KLHDC4: variants seen among roughly 807,000 people sequenced by gnomAD.
KLHDC4 encodes kelch domain containing 4.
In KLHDC4, 90 loss-of-function variants were observed where a neutral mutation model predicts 62.4. That is an observed-to-expected ratio of 1.44 (90% confidence interval 1.22 to 1.72). The LOEUF is 1.72. KLHDC4 is among the 40% of genes most tolerant of loss of function. KLHDC4 has a pLI of 0.00. For synonymous variants in KLHDC4, 386 were observed against 284.4 expected, an observed-to-expected ratio of 1.36 and a Z score of -3.59; for missense variants, 1,025 against 699.7, an observed-to-expected ratio of 1.47 and a Z score of -5.25.
intron 5 of KLHDC4, among the ~76,000 whole-genome samples, chr16:87,739,074 T>C (rs372073671): frequency 0.061 from 1,671 of 27,524 alleles, no homozygotes; most frequent in Non-Finnish European, 0.077. Flanking sequence ...ACCTCATCCA[T>C]CCACACACCA....
At chr16:87,749,560 AAAAAAAAAAAAG>A (rs993419494) in intron 4 of KLHDC4, among the ~76,000 whole-genome samples, 2 of 151,724 alleles carry the variant, frequency 1.3e-5, no homozygotes, top group East Asian at 1.9e-4. Flanking sequence ...TGTCAAAAAA[AAAAAAAAAAAAG>A]AAAGAAAGTG....
chr16:87,735,983 ACT>A (rs1396106848), intron 5 of KLHDC4, among the ~76,000 whole-genome samples: 2 of 152,328 alleles, frequency 1.3e-5, no homozygotes, highest in East Asian at 3.9e-4. Context: ...TGAGTTAAGC[ACT>A]CTGCATGCAA....
At chr16:87,720,194 G>A (rs1442358850) in intron 7 of KLHDC4, among the ~76,000 whole-genome samples, 2 of 152,218 alleles carry the variant, frequency 1.3e-5, no homozygotes. Context: ...GGCCGGCGGT[G>A]CAGTGGTAGG....
chr16:87,760,834 A>G (rs2045774185), intron 2 of KLHDC4, among the ~76,000 whole-genome samples: 1 of 152,022 alleles, frequency 6.6e-6, no homozygotes, highest in Non-Finnish European at 1.5e-5. Flanking sequence ...GGAGTTCACG[A>G]CCAGCCAGGC....
intron 6 of KLHDC4, among the ~76,000 whole-genome samples, chr16:87,729,047 G>C (rs2039874349): frequency 6.6e-6 from 1 of 152,080 alleles, no homozygotes. Context: ...AAAGTGCTGA[G>C]ATTACACATG....
rs772927197 is a variant in KLHDC4, at chr16:87,709,593, A to G, written c.1119T>C (p.Cys373=). Residue 373 remains cysteine, a synonymous_variant, in exon 10 of 12, where the codon TGT becomes TGC. Coordinates refer to ENST00000270583, the MANE Select transcript of KLHDC4 (RefSeq NM_017566.4). The part of the protein sequence containing the change: ...EEPEGGSRPA[C]GGAGTQGPVQ... ...CAGGCCCCTGGGTGCCAGCTCCCCC[A>G]CACGCCGGCCTGCTACCACCTTCGG... The G allele has an allele frequency of 1.9e-6, 3 of 1,612,394 alleles. No individual in the cohort carries two copies. The South Asian group carries it at 3.3e-5, about 18-fold the overall frequency.
chr16:87,715,908 C>A (rs1028421807), intron 7 of KLHDC4, among the ~76,000 whole-genome samples: 1 of 152,152 alleles, frequency 6.6e-6, no homozygotes, highest in African/African-American at 2.4e-5. Flanking sequence ...GATACTGACA[C>A]AGACTTCAGG....
chr16:87,712,547 C>G (rs978162824), intron 8 of KLHDC4, among the ~76,000 whole-genome samples: 4 of 152,230 alleles, frequency 2.6e-5, no homozygotes, highest in African/African-American at 9.6e-5. Flanking sequence ...AGGCTCAGGG[C>G]CGCCCTGCGG....
intron 7 of KLHDC4, among the ~76,000 whole-genome samples, chr16:87,725,607 A>G (rs2039224968): frequency 6.6e-6 from 1 of 152,184 alleles, no homozygotes; most frequent in Non-Finnish European, 1.5e-5. Flanking sequence ...ACTACTTCAT[A>G]CCTCTCAGAT....
rs564161464 is a variant in KLHDC4 at position 87,714,448 on chromosome 16, C to T, written c.835+50G>A. On this transcript the variant is annotated intron_variant, in intron 8 of 11. Transcript: ENST00000270583. ...ATGGGAGGGTGTGGGCTCTGCCTCC[C>T]GCCACACACAGACCAGCCAGCTCCC... 232 of 1,609,104 alleles carry T rather than the reference C, an allele frequency of 1.4e-4. 2 individuals are homozygous for T. In the South Asian group the frequency reaches 2.3e-3, roughly 16 times the overall value.
intron 10 of KLHDC4, among the ~76,000 whole-genome samples, chr16:87,708,854 C>A (rs777571904): frequency 6.6e-6 from 1 of 152,244 alleles, no homozygotes; most frequent in Non-Finnish European, 1.5e-5. Flanking sequence ...CATGGTGACT[C>A]GATCCCAGCA....
intron 6 of KLHDC4, among the ~76,000 whole-genome samples, chr16:87,730,059 T>C (rs1232223707): frequency 1.3e-5 from 2 of 152,234 alleles, no homozygotes; most frequent in Non-Finnish European, 1.5e-5. Flanking sequence ...GTTCAAGCGA[T>C]TCTCCTGCCT....
downstream of KLHDC4, among the ~76,000 whole-genome samples, chr16:87,704,830 C>A (rs1343982884): frequency 1.3e-5 from 2 of 152,220 alleles, no homozygotes; most frequent in Non-Finnish European, 2.9e-5. Flanking sequence ...GATGTTCATT[C>A]CACCCAACAC....
intron 7 of KLHDC4, among the ~76,000 whole-genome samples, chr16:87,717,491 T>C (rs2142987043): frequency 6.6e-6 from 1 of 152,334 alleles, no homozygotes; most frequent in Admixed American, 6.5e-5. Context: ...GGCTCCACAT[T>C]GGCCATATGG....
chr16:87,763,742 A>T (rs575239559), intron 1 of KLHDC4: 1 of 152,368 alleles, frequency 6.6e-6, no homozygotes, highest in East Asian at 1.9e-4. Context: ...TGCTGCTGCT[A>T]CTTAGAGCGG....
At chr16:87,730,278 G>C (rs937740870) in intron 6 of KLHDC4, among the ~76,000 whole-genome samples, 1 of 152,226 alleles carries the variant, frequency 6.6e-6, no homozygotes, top group Non-Finnish European at 1.5e-5. Context: ...GATAGAACTA[G>C]CCACATCATT....
intron 4 of KLHDC4, among the ~76,000 whole-genome samples, chr16:87,749,940 CG>C: frequency 6.6e-6 from 1 of 152,190 alleles, no homozygotes; most frequent in East Asian, 1.9e-4. Context: ...AGGAGCGCAG[CG>C]GGAGTGATGC....
chr16:87,732,297 T>C (rs1331443641), intron 5 of KLHDC4, among the ~76,000 whole-genome samples: 1 of 152,036 alleles, frequency 6.6e-6, no homozygotes, highest in African/African-American at 2.4e-5. Flanking sequence ...GGTTTCATCA[T>C]ATTGGTCAGG....
intron 8 of KLHDC4, among the ~76,000 whole-genome samples, chr16:87,712,369 C>T (rs1391565291): frequency 1.3e-5 from 2 of 152,240 alleles, no homozygotes; most frequent in African/African-American, 4.8e-5. Context: ...CTCTGGGGCC[C>T]CCGCCTCATT....
Sources: gnomAD v4.1 joint callset for allele counts (sites outside exome capture counted in the v4.1 genomes callset) on GRCh38, gnomAD v4.1.1 for gene constraint, MANE v1.5 for transcripts, NCBI Gene and HGNC (gene_info 2026-07-23, HGNC 2026-07-21) for gene names.